The following DYNC2H1 variants were observed in gnomAD, a reference collection of about 807,000 sequenced individuals.
DYNC2H1 encodes cytoplasmic dynein 2 heavy chain 1.
In DYNC2H1, 410 loss-of-function variants were observed where a neutral mutation model predicts 570.0. The observed-to-expected ratio is 0.72, with a 90% CI of 0.66 to 0.78. The LOEUF (loss-of-function observed/expected upper bound fraction) is 0.78. Among genes scored for constraint, DYNC2H1 ranks in the 30% least tolerant of loss-of-function variants. The pLI is 0.00. For synonymous variants in DYNC2H1, 1,688 were observed against 1,677.6 expected, an observed-to-expected ratio of 1.01 and a Z score of -0.15; for missense variants, 4,865 against 5,046.4, an observed-to-expected ratio of 0.96 and a Z score of 1.09.
intron 75 of DYNC2H1, among the ~76,000 whole-genome samples, chr11:103,293,982 C>G (rs911774029): frequency 6.6e-6 from 1 of 152,060 alleles, no homozygotes; most frequent in East Asian, 1.9e-4. Context: ...GAGGCTGAGG[C>G]AGGAGAATTG....
intron 65 of DYNC2H1, among the ~76,000 whole-genome samples, chr11:103,251,848 A>T (rs545551172): frequency 1.2e-3 from 185 of 152,158 alleles, no homozygotes; most frequent in Non-Finnish European, 1.9e-3. Context: ...GGCAGGATCT[A>T]CTTTTTTATG....
At chr11:103,273,918 A>G (rs557620805) in intron 70 of DYNC2H1, among the ~76,000 whole-genome samples, 82 of 152,260 alleles carry the variant, frequency 5.4e-4, no homozygotes, top group African/African-American at 1.9e-3. Context: ...TCTACATATT[A>G]TGTGCCTATT....
rs757263822 is a variant in DYNC2H1, at chr11:103,179,153, T to C, written c.6267T>C (p.Asn2089=). 1.2e-5 allele frequency: 20 copies of C among 1,613,118 alleles called. No individual in the cohort carries two copies. The Admixed American group carries it at 3.3e-4, about 27-fold the overall frequency. ...PSGERIQFGP[N]VNFVFETHDL... is the part of the protein sequence containing the mutation. ...GAGAAAGGATTCAGTTTGGCCCAAATGTTAACTTTGTATTTGAAACTCATG... is the reference window on the plus strand; with the variant it reads ...GAGAAAGGATTCAGTTTGGCCCAAACGTTAACTTTGTATTTGAAACTCATG... Residue 2089 remains asparagine, a synonymous_variant, in exon 39 of 89, where the codon AAT becomes AAC. Transcript: ENST00000375735.
intron 59 of DYNC2H1, among the ~76,000 whole-genome samples, chr11:103,229,827 C>G (rs532543596): frequency 6.6e-6 from 1 of 152,174 alleles, no homozygotes; most frequent in Non-Finnish European, 1.5e-5. Context: ...CTAAAAGTGT[C>G]TATAATATAT....
intron 54 of DYNC2H1, among the ~76,000 whole-genome samples, chr11:103,213,070 AT>A (rs1215121021): frequency 1.3e-5 from 2 of 152,106 alleles, no homozygotes; most frequent in Non-Finnish European, 2.9e-5. Context: ...AAGGTAAAGA[AT>A]TTTTTTCATG....
rs536255299 is a variant in DYNC2H1 at position 103,205,561 on chromosome 11, T to C, written c.8454+597T>C. Among the ~76,000 whole-genome samples the C allele has an allele frequency of 6.6e-6, 1 of 152,290 alleles. No individual in the cohort carries two copies. The highest frequency in any genetic ancestry group is 2.1e-4 in the South Asian group (1 of 4,830). ...CATGGTTTACAGATGAGGTAATATTTTAGTTACTGAAAGATATTTTAGCTT... is the reference window on the plus strand; with the variant it reads ...CATGGTTTACAGATGAGGTAATATTCTAGTTACTGAAAGATATTTTAGCTT... On this transcript the variant is annotated intron_variant, in intron 52 of 88. Coordinates refer to ENST00000375735, the MANE Select transcript of DYNC2H1 (RefSeq NM_001377.3). The surrounding 1 kb of genome is among the most constrained non-coding windows in gnomAD (Gnocchi z 4.5).
intron 84 of DYNC2H1, among the ~76,000 whole-genome samples, chr11:103,415,913 A>G (rs551709805): frequency 9.8e-5 from 15 of 152,364 alleles, no homozygotes; most frequent in African/African-American, 3.1e-4. Flanking sequence ...ATGTCTATCA[A>G]TGATAGACTG....
chr11:103,220,780 A>AAAGGT lies in DYNC2H1; in HGVS notation c.9106_9107+3dup. On this transcript the variant is annotated frameshift_variant, in exon 57 of 89. Transcript: ENST00000375735. LOFTEE classifies it high-confidence loss of function. ...TTTGATACATCTTGGGTGAGCATGA[A>AAAGGT]AAGGTACATTTTTCAATTTGTGAAA... is the stretch of plus-strand genomic sequence containing the variant. 6.2e-7 allele frequency: 1 copy of AAAGGT among 1,600,226 alleles called. No individual in the cohort carries two copies. Among genetic ancestry groups the AAAGGT allele is most frequent in the Admixed American group, 1.7e-5 (1 of 57,384 alleles).
chr11:103,189,770 C>A lies in DYNC2H1; in HGVS notation c.7391C>A (p.Ser2464Ter), dbSNP rs1451411796. The A allele has an allele frequency of 1.2e-6, 2 of 1,611,430 alleles. No individual in the cohort carries two copies. The highest frequency in any genetic ancestry group is 1.7e-6 in the Non-Finnish European group (2 of 1,179,056). ...AATCATTCTATTTGGGGTTCTTCAT[C>A]AAAAATTTATCTTTTAGCAGGATCT... ...LKNHSIWGSS[S>*]KIYLLAGSMV... Residue 2464 changes from serine to a stop codon, truncating the protein, a stop_gained, in exon 45 of 89, where the codon TCA (serine) becomes TAA (stop). Coordinates refer to ENST00000375735, the MANE Select transcript of DYNC2H1 (RefSeq NM_001377.3). LOFTEE classifies it high-confidence loss of function. The surrounding 1 kb of genome is among the most constrained non-coding windows in gnomAD (Gnocchi z 4.3).
Position 103,184,934 on chromosome 11 carries a change from G to C in DYNC2H1, c.6516G>C (p.Val2172=), listed in dbSNP as rs373171639. Residue 2172 remains valine (V), a synonymous_variant, in exon 41 of 89, where the codon GTG becomes GTC. Coordinates refer to ENST00000375735, the MANE Select transcript of DYNC2H1 (RefSeq NM_001377.3). ...TAGAAACAAGTTTGGTTGGGACTGT[G>C]ATGAATGGTTTGTCACATCTACATG... is the stretch of plus-strand genomic sequence containing the variant. ...YVVETSLVGT[V]MNGLSHLHGC... is the part of the protein sequence containing the mutation. The C allele has an allele frequency of 3.7e-6, 6 of 1,610,990 alleles. No homozygotes were observed. The highest frequency in any genetic ancestry group is 3.3e-4 in the Middle Eastern group (2 of 6,072).
At chr11:103,210,764 A>G (rs1863126091) in intron 53 of DYNC2H1, among the ~76,000 whole-genome samples, 1 of 152,060 alleles carries the variant, frequency 6.6e-6, no homozygotes. Context: ...TTATGAAACT[A>G]TAAATAGCCT....
chr11:103,152,320 C>A, intron 21 of DYNC2H1, 35 bp downstream of exon 21: 1 of 1,532,942 alleles, frequency 6.5e-7, no homozygotes, highest in Non-Finnish European at 8.8e-7. Context: ...AAAATGGGAA[C>A]TTTTTTCTTA....
At chr11:103,423,408 TAAAA>T (rs60223334) in intron 84 of DYNC2H1, among the ~76,000 whole-genome samples, 5 of 120,504 alleles carry the variant, frequency 4.1e-5, no homozygotes, top group East Asian at 4.4e-4. Flanking sequence ...GCCAAAAAAG[TAAAA>T]AAAAAAAAAA....
At position 103,181,028 on chromosome 11, in the gene DYNC2H1, T is replaced by C. The variant is rs1212406037; in HGVS notation, c.6348-729T>C. On this transcript the variant is annotated intron_variant, in intron 39 of 88. Coordinates refer to ENST00000375735, the MANE Select transcript of DYNC2H1 (RefSeq NM_001377.3). The surrounding 1 kb of genome is among the most constrained non-coding windows in gnomAD (Gnocchi z 5.0). ...AAAATAATATGAATTATTTTTACTA[T>C]AGTTTTTTATAATTATATAAGGTAT... Among the ~76,000 whole-genome samples the C allele has an allele frequency of 6.6e-6, 1 of 151,460 alleles. No homozygotes were observed.
chr11:103,135,805 A>G lies in DYNC2H1; in HGVS notation c.2431A>G (p.Asn811Asp), dbSNP rs1039454289. The change falls in exon 17 of 89, where the codon AAT becomes GAT. Residue 811 changes from asparagine (N) to aspartate (D), a missense_variant. Asn to Asp is a conservative substitution (Grantham distance 23). Around this residue, in one of 5 missense-constraint regions of DYNC2H1, gnomAD observed 1,936 missense variants for 1,962.1 expected, o/e 0.99. Coordinates refer to ENST00000375735, the MANE Select transcript of DYNC2H1 (RefSeq NM_001377.3). Reference sequence around the variant, plus strand: ...AATGAAGAGATTCATCGGCATTCCAAATCAGTTTAAGGGAGTGGGTGAGGC... The same window carrying G: ...AATGAAGAGATTCATCGGCATTCCAGATCAGTTTAAGGGAGTGGGTGAGGC... The part of the protein sequence containing the change: ...REMKRFIGIP[N>D]QFKGVGEAGD... 1 of 1,613,226 alleles carries G rather than the reference A, an allele frequency of 6.2e-7. No individual in the cohort carries two copies. Among genetic ancestry groups the G allele is most frequent in the Non-Finnish European group, 8.5e-7 (1 of 1,179,596 alleles).
At position 103,177,893 on chromosome 11, in the gene DYNC2H1, G is replaced by A; in HGVS notation, c.6139+73G>A. 1.4e-6 allele frequency: 2 copies of A among 1,474,160 alleles called. No homozygotes were observed. Among genetic ancestry groups the A allele is most frequent in the East Asian group, 2.5e-5 (1 of 40,424 alleles). The allele number at this position is 1,474,160 out of a possible 1,614,324, so 91.3% of individuals were successfully genotyped here. A position where few individuals can be genotyped will look rare whatever the true frequency, so the allele number is the denominator to read the frequency against. The stretch of plus-strand genomic sequence containing the variant: ...AATGATATAATTTGTCTATAATGCT[G>A]TCTTTGTCAAGACTTCTACATGACC... On this transcript the variant is annotated intron_variant, in intron 38 of 88. Transcript: ENST00000375735. The surrounding 1 kb of genome is among the most constrained non-coding windows in gnomAD (Gnocchi z 4.4).
chr11:103,169,224 A>C (rs367560715), intron 32 of DYNC2H1, among the ~76,000 whole-genome samples: 3 of 152,288 alleles, frequency 2.0e-5, no homozygotes, highest in East Asian at 1.9e-4. Context: ...ATTTATATAC[A>C]ATTTGAAATA....
intron 87 of DYNC2H1, among the ~76,000 whole-genome samples, chr11:103,457,172 A>C (rs1944815826): frequency 6.6e-6 from 1 of 152,260 alleles, no homozygotes; most frequent in South Asian, 2.1e-4. Flanking sequence ...CTGCGCTGCC[A>C]GTTATATAAA....
intron 83 of DYNC2H1, among the ~76,000 whole-genome samples, chr11:103,386,197 C>CTGAAATAATCT (rs1941862544): frequency 2.6e-5 from 4 of 152,120 alleles, no homozygotes; most frequent in Admixed American, 1.3e-4. Flanking sequence ...GAAATAGAAG[C>CTGAAATAATCT]TGAAATAATC....
Sources: gnomAD v4.1 joint callset for allele counts (sites outside exome capture counted in the v4.1 genomes callset) on GRCh38, gnomAD v4.1.1 for gene constraint, gnomAD v4.1.1 regional missense constraint, Gnocchi (gnomAD v3.1) non-coding constraint, MANE v1.5 for transcripts, NCBI Gene and HGNC (gene_info 2026-07-23, HGNC 2026-07-21) for gene names.